The following ERBB4 variants were observed in gnomAD, a reference collection of about 807,000 sequenced individuals.
ERBB4 encodes receptor tyrosine-protein kinase erbB-4.
A neutral mutation model predicts 158.0 loss-of-function variants in ERBB4; 42 were observed. The observed-to-expected ratio is 0.27, with a 90% CI of 0.21 to 0.34. ERBB4 has a LOEUF of 0.34. ERBB4 is among the 10% of genes least tolerant of loss of function. The pLI, the probability that ERBB4 is intolerant of heterozygous loss-of-function variation, is 1.00. For missense variants in ERBB4, 1,333 were observed against 1,624.1 expected, an observed-to-expected ratio of 0.82 and a Z score of 3.08; for synonymous variants, 583 against 558.7, an observed-to-expected ratio of 1.04 and a Z score of -0.61.
At chr2:211,712,779 G>C (rs887217067) in intron 8 of ERBB4, among the ~76,000 whole-genome samples, 1 of 16,476 alleles carries the variant, frequency 6.1e-5, no homozygotes, top group Non-Finnish European at 1.2e-4. Context: ...GTGTGTGGGT[G>C]GGGGGGGATG....
chr2:211,922,176 CT>C (rs1230908601), intron 3 of ERBB4, among the ~76,000 whole-genome samples: 4 of 152,084 alleles, frequency 2.6e-5, no homozygotes, highest in Non-Finnish European at 4.4e-5. Flanking sequence ...TGGGTACGCC[CT>C]TTTGATAACT....
chr2:212,267,092 C>T (rs1056357918), intron 1 of ERBB4, among the ~76,000 whole-genome samples: 5 of 151,818 alleles, frequency 3.3e-5, no homozygotes, highest in African/African-American at 1.2e-4. Context: ...TACAGCTGTG[C>T]ACACAGAGTA....
At chr2:211,654,348 G>T (rs1392046586) in intron 16 of ERBB4, among the ~76,000 whole-genome samples, 1 of 152,168 alleles carries the variant, frequency 6.6e-6, no homozygotes, top group Non-Finnish European at 1.5e-5. Context: ...GAGTCACACT[G>T]CATTATATTT....
intron 3 of ERBB4, among the ~76,000 whole-genome samples, chr2:211,947,094 A>G (rs2080720956): frequency 6.6e-6 from 1 of 152,118 alleles, no homozygotes; most frequent in South Asian, 2.1e-4. Context: ...TAGTTATCTC[A>G]TTATTGCAAG....
At chr2:212,395,318 G>C (rs900600971) in intron 1 of ERBB4, among the ~76,000 whole-genome samples, 6 of 151,868 alleles carry the variant, frequency 4.0e-5, no homozygotes, top group Admixed American at 3.9e-4. Flanking sequence ...TGAAAGAATA[G>C]GGAGGAACAT....
At chr2:211,951,232 C>T (rs79374732) in intron 2 of ERBB4, among the ~76,000 whole-genome samples, 2,386 of 152,126 alleles carry the variant, frequency 0.016, 25 homozygotes, top group Non-Finnish European at 0.022. Flanking sequence ...TGGAGAAACA[C>T]ATTTATAATG....
chr2:212,367,462 T>C (rs551520176), intron 1 of ERBB4, among the ~76,000 whole-genome samples: 50 of 152,226 alleles, frequency 3.3e-4, no homozygotes, highest in Non-Finnish European at 5.7e-4. Flanking sequence ...GACTTAAACT[T>C]AAGACCTGAA....
At chr2:212,182,894 T>C (rs1448018764) in intron 1 of ERBB4, among the ~76,000 whole-genome samples, 2 of 151,304 alleles carry the variant, frequency 1.3e-5, no homozygotes, top group African/African-American at 4.8e-5. Flanking sequence ...TTTTTATTGA[T>C]TTTTAAGATG....
intron 4 of ERBB4, among the ~76,000 whole-genome samples, chr2:211,769,025 C>A (rs2075626825): frequency 6.6e-6 from 1 of 152,168 alleles, no homozygotes; most frequent in South Asian, 2.1e-4. Context: ...ATGCATAAAA[C>A]TGAATGCCTT....
chr2:212,025,568 T>C (rs777754471), intron 2 of ERBB4, among the ~76,000 whole-genome samples: 1 of 151,816 alleles, frequency 6.6e-6, no homozygotes, highest in Non-Finnish European at 1.5e-5. Context: ...GCCTGTAAGA[T>C]TGCTTCCTTT....
At chr2:212,026,257 T>C (rs764932167) in intron 2 of ERBB4, among the ~76,000 whole-genome samples, 9 of 151,700 alleles carry the variant, frequency 5.9e-5, no homozygotes, top group Non-Finnish European at 1.3e-4. Flanking sequence ...ATAAAACATA[T>C]TTGAGTAAAA....
chr2:212,395,552 A>G, intron 1 of ERBB4, among the ~76,000 whole-genome samples: 1 of 150,512 alleles, frequency 6.6e-6, no homozygotes. Context: ...GCTTACCGCT[A>G]TGTGTTAGCA....
chr2:212,386,400 G>A (rs1172390669), intron 1 of ERBB4, among the ~76,000 whole-genome samples: 1 of 151,632 alleles, frequency 6.6e-6, no homozygotes, highest in Non-Finnish European at 1.5e-5. Flanking sequence ...ATCTACTTAT[G>A]TCCTTAAGAC....
At chr2:212,372,287 G>C (rs975280948) in intron 1 of ERBB4, among the ~76,000 whole-genome samples, 3 of 152,114 alleles carry the variant, frequency 2.0e-5, no homozygotes, top group African/African-American at 7.2e-5. Flanking sequence ...AAATTCATAA[G>C]CAGATTCCCT....
intron 3 of ERBB4, among the ~76,000 whole-genome samples, chr2:211,804,991 C>T (rs1307622822): frequency 6.7e-6 from 1 of 149,412 alleles, no homozygotes; most frequent in African/African-American, 2.5e-5. Context: ...ATGATCTTGG[C>T]TCACTGCAAC....
In ERBB4 at chr2:212,499,310, A is replaced by T. The variant is rs936843781; in HGVS notation, c.82+39139T>A. Among the ~76,000 whole-genome samples the T allele has an allele frequency of 2.0e-5, 3 of 152,056 alleles. No individual in the cohort carries two copies. In the South Asian group the frequency reaches 6.2e-4, roughly 31 times the overall value. On this transcript the variant is annotated intron_variant, in intron 1 of 27. Coordinates refer to ENST00000342788, the MANE Select transcript of ERBB4 (RefSeq NM_005235.3). ...TTTTTTATTATCTATAATATTAAAT[A>T]TATAAAGTGCTAAATCTCTGTGAAT... is the stretch of plus-strand genomic sequence containing the variant.
At chr2:211,978,179 C>A (rs922122399) in intron 2 of ERBB4, among the ~76,000 whole-genome samples, 1 of 151,960 alleles carries the variant, frequency 6.6e-6, no homozygotes, top group African/African-American at 2.4e-5. Flanking sequence ...TGCAGAATTG[C>A]TCCCTGGGCA....
chr2:211,991,910 T>C (rs1212996415), intron 2 of ERBB4, among the ~76,000 whole-genome samples: 2 of 152,182 alleles, frequency 1.3e-5, no homozygotes, highest in East Asian at 3.9e-4. Flanking sequence ...TCACAGGCTA[T>C]GTTGAGGCAC....
At chr2:211,958,664 C>A (rs1171370177) in intron 2 of ERBB4, among the ~76,000 whole-genome samples, 3 of 151,922 alleles carry the variant, frequency 2.0e-5, no homozygotes, top group Non-Finnish European at 4.4e-5. Flanking sequence ...AATCCCAATC[C>A]CTTTGAAGTA....
Sources: gnomAD v4.1 joint callset for allele counts (sites outside exome capture counted in the v4.1 genomes callset) on GRCh38, gnomAD v4.1.1 for gene constraint, MANE v1.5 for transcripts, NCBI Gene and HGNC (gene_info 2026-07-23, HGNC 2026-07-21) for gene names.